Variants in TXNRD1 observed in about 807,000 individuals in gnomAD.
The protein encoded by TXNRD1 is thioredoxin reductase 1, cytoplasmic.
In TXNRD1, 57 loss-of-function variants were observed where a neutral mutation model predicts 80.3. That is an observed-to-expected ratio of 0.71 (90% CI 0.57 to 0.89). The LOEUF (loss-of-function observed/expected upper bound fraction) is 0.89, where lower values mean the gene tolerates loss of function less well. TXNRD1 is among the 40% of genes least tolerant of loss of function. The pLI is 0.00. For synonymous variants in TXNRD1, 291 were observed against 285.2 expected, an observed-to-expected ratio of 1.02 and a Z score of -0.20; for missense variants, 730 against 803.0, an observed-to-expected ratio of 0.91 and a Z score of 1.10.
chr12:104,308,540 TC>T (rs779841418), intron 4 of TXNRD1, among the ~76,000 whole-genome samples: 4 of 152,154 alleles, frequency 2.6e-5, no homozygotes, highest in African/African-American at 4.8e-5. Flanking sequence ...ATTTTAAGTT[TC>T]TTCTTAGTTT....
intron 1 of TXNRD1, among the ~76,000 whole-genome samples, chr12:104,246,426 T>TCAAAAAAA (rs370836457): frequency 3.3e-5 from 5 of 150,272 alleles, no homozygotes; most frequent in South Asian, 2.1e-4. Context: ...AGACTCCATC[T>TCAAAAAAA]CAAAAAAACA....
chr12:104,316,015 C>T, intron 7 of TXNRD1, 119 bp downstream of exon 7: 1 of 1,120,016 alleles, frequency 8.9e-7, no homozygotes, highest in Non-Finnish European at 1.2e-6. Context: ...TTATTGTTTA[C>T]ATTTTTGATG....
At chr12:104,340,011 TG>T (rs1353756153) in intron 16 of TXNRD1, among the ~76,000 whole-genome samples, 1 of 152,260 alleles carries the variant, frequency 6.6e-6, no homozygotes, top group Non-Finnish European at 1.5e-5. Flanking sequence ...CTGGTTGTTC[TG>T]TCTGTTCATG....
intron 14 of TXNRD1, 94 bp from the exon 15 acceptor site, chr12:104,334,143 T>C (rs2036052857): frequency 2.1e-6 from 1 of 475,400 alleles, no homozygotes; most frequent in Non-Finnish European, 3.6e-6. Context: ...GAAAGTCTAC[T>C]TATTAAAGAG....
At chr12:104,314,604 C>CACCATA (rs1247306031) in intron 6 of TXNRD1, among the ~76,000 whole-genome samples, 1 of 152,038 alleles carries the variant, frequency 6.6e-6, no homozygotes, top group Non-Finnish European at 1.5e-5. Flanking sequence ...AACAAGCTGT[C>CACCATA]ACCATATTCT....
chr12:104,288,796 T>C (rs757588920), intron 3 of TXNRD1, 135 bp from the exon 4 acceptor site: 12 of 1,579,222 alleles, frequency 7.6e-6, no homozygotes, highest in Admixed American at 1.8e-5. Context: ...CAAGTCATGC[T>C]AACTTGCAAG....
chr12:104,273,072 T>G (rs1192918871), intron 3 of TXNRD1, among the ~76,000 whole-genome samples: 1 of 152,194 alleles, frequency 6.6e-6, no homozygotes, highest in Non-Finnish European at 1.5e-5. Flanking sequence ...TCTGCATATC[T>G]GCAACGGGTG....
At chr12:104,276,046 A>G (rs2033750441) in intron 3 of TXNRD1, among the ~76,000 whole-genome samples, 1 of 152,190 alleles carries the variant, frequency 6.6e-6, no homozygotes, top group Non-Finnish European at 1.5e-5. Flanking sequence ...GGCTCTTATA[A>G]CTATTGAGCT....
chr12:104,287,722 C>T (rs1442354970), intron 3 of TXNRD1, among the ~76,000 whole-genome samples: 1 of 152,166 alleles, frequency 6.6e-6, no homozygotes, highest in African/African-American at 2.4e-5. Flanking sequence ...TCCTCACTCT[C>T]TCAGGCAGTA....
chr12:104,324,762 T>TC (rs2035696321), intron 10 of TXNRD1, among the ~76,000 whole-genome samples: 1 of 152,196 alleles, frequency 6.6e-6, no homozygotes, highest in South Asian at 2.1e-4. Flanking sequence ...CAGGGCTTGC[T>TC]CATTTCTTTC....
intron 4 of TXNRD1, among the ~76,000 whole-genome samples, chr12:104,308,731 G>C (rs2035021684): frequency 6.6e-6 from 1 of 151,926 alleles, no homozygotes; most frequent in South Asian, 2.1e-4. Context: ...GAGGATGGGG[G>C]AATTTTTCTC....
chr12:104,255,652 G>A (rs535495436), intron 2 of TXNRD1, among the ~76,000 whole-genome samples: 16 of 152,258 alleles, frequency 1.1e-4, no homozygotes, highest in African/African-American at 3.9e-4. Flanking sequence ...AATTAGCCGG[G>A]CTTGGTGATG....
At chr12:104,244,924 C>G (rs1211158037) in intron 1 of TXNRD1, among the ~76,000 whole-genome samples, 1 of 152,184 alleles carries the variant, frequency 6.6e-6, no homozygotes, top group East Asian at 1.9e-4. Flanking sequence ...AACTTTGTCC[C>G]TGTATCTAGA....
chr12:104,286,769 T>C (rs977740095), intron 3 of TXNRD1: 6 of 1,024,226 alleles, frequency 5.9e-6, no homozygotes, highest in East Asian at 8.9e-5. Flanking sequence ...AACACACTTA[T>C]TCCAAATTTG....
intron 2 of TXNRD1, among the ~76,000 whole-genome samples, chr12:104,252,806 C>T (rs2033157974): frequency 7.1e-6 from 1 of 141,662 alleles, no homozygotes; most frequent in Non-Finnish European, 1.5e-5. Context: ...GGGTTCATGC[C>T]ATTTTCCTGC....
chr12:104,332,071 G>A (rs901459517), intron 14 of TXNRD1, among the ~76,000 whole-genome samples: 1 of 151,806 alleles, frequency 6.6e-6, no homozygotes, highest in African/African-American at 2.4e-5. Context: ...ATTTCTCTGG[G>A]TTAATTATAG....
At chr12:104,255,314 G>A (rs2033224983) in intron 2 of TXNRD1, among the ~76,000 whole-genome samples, 1 of 151,302 alleles carries the variant, frequency 6.6e-6, no homozygotes, top group South Asian at 2.1e-4. Flanking sequence ...TCCCTATTAT[G>A]CCCCAGAATG....
chr12:104,348,553 G>T lies in TXNRD1; in HGVS notation c.*132G>T. On this transcript the variant is annotated 3_prime_UTR_variant, in exon 17 of 17. Transcript: ENST00000525566. The stretch of plus-strand genomic sequence containing the variant: ...TGTCCTGTGCTTACCACCGCCCAAG[G>T]CCCCCTTGGATCTCTTGGATAGGAG... 1.3e-6 allele frequency: 1 copy of T among 779,014 alleles called. No individual in the cohort carries two copies. Among genetic ancestry groups the T allele is most frequent in the Non-Finnish European group, 2.1e-6 (1 of 473,678 alleles). The allele number at this position is 779,014 out of a possible 1,614,324, so 48.3% of individuals were successfully genotyped here.
intron 4 of TXNRD1, among the ~76,000 whole-genome samples, chr12:104,295,448 C>G (rs890148716): frequency 6.6e-6 from 1 of 152,124 alleles, no homozygotes; most frequent in Non-Finnish European, 1.5e-5. Flanking sequence ...GATTGCTACT[C>G]GCTGGCCCCA....
Sources: allele counts gnomAD v4.1 joint callset (sites outside exome capture counted in the v4.1 genomes callset), GRCh38; gene constraint gnomAD v4.1.1; transcripts MANE v1.5; gene names NCBI Gene and HGNC (gene_info 2026-07-23, HGNC 2026-07-21).